VRK2: variants seen among roughly 807,000 people sequenced by gnomAD.
VRK2 encodes the protein serine/threonine-protein kinase VRK2.
Under a neutral mutation model 57.6 loss-of-function variants are expected in VRK2, and 60 were observed. The ratio of observed to expected loss-of-function variants is 1.04; its 90% CI spans 0.85 to 1.29. The LOEUF (loss-of-function observed/expected upper bound fraction) is 1.29, where lower values mean the gene tolerates loss of function less well. VRK2 is among the 50% of genes most tolerant of loss of function. The probability of loss-of-function intolerance (pLI) is 0.00; values close to 1 mark genes in which losing one functional copy is unlikely to be tolerated. For synonymous variants in VRK2, 231 were observed against 199.2 expected, an observed-to-expected ratio of 1.16 and a Z score of -1.35; for missense variants, 705 against 588.1, an observed-to-expected ratio of 1.20 and a Z score of -2.06.
At chr2:57,962,707 A>G (rs561030210) in intron 1 of VRK2, among the ~76,000 whole-genome samples, 2 of 152,274 alleles carry the variant, frequency 1.3e-5, no homozygotes, top group East Asian at 3.9e-4. Context: ...ATCTTATTCA[A>G]GTTTATGAAT....
intron 4 of VRK2, 103 bp from the exon 5 acceptor site, chr2:58,086,236 T>G: frequency 1.0e-6 from 1 of 959,624 alleles, no homozygotes. Context: ...TCTAGGAAGA[T>G]CTAATTACTT....
chr2:57,920,063 G>C (rs367853818), intron 1 of VRK2, among the ~76,000 whole-genome samples: 1 of 151,980 alleles, frequency 6.6e-6, no homozygotes, highest in African/African-American at 2.4e-5. Flanking sequence ...TTTTGGTGTT[G>C]AGAATCTATC....
intron 3 of VRK2, among the ~76,000 whole-genome samples, chr2:58,039,456 T>C (rs898099663): frequency 6.6e-6 from 1 of 152,154 alleles, no homozygotes; most frequent in Non-Finnish European, 1.5e-5. Flanking sequence ...TTCTTGTCTT[T>C]TCTGTTTCTC....
At chr2:57,934,278 T>C (rs1005106244) in intron 1 of VRK2, among the ~76,000 whole-genome samples, 1 of 152,248 alleles carries the variant, frequency 6.6e-6, no homozygotes, top group African/African-American at 2.4e-5. Context: ...TTGAATCAGG[T>C]TGAAGAACTT....
At chr2:58,052,643 A>G (rs776275859) in intron 2 of VRK2, among the ~76,000 whole-genome samples, 4 of 151,538 alleles carry the variant, frequency 2.6e-5, no homozygotes, top group Non-Finnish European at 4.4e-5. Flanking sequence ...GATTAAGATG[A>G]TGACAAAGAA....
chr2:58,059,000 T>G (rs1676943518), intron 2 of VRK2, among the ~76,000 whole-genome samples: 1 of 152,080 alleles, frequency 6.6e-6, no homozygotes, highest in East Asian at 1.9e-4. Context: ...AATATGTAAC[T>G]GATAGTATTG....
intron 5 of VRK2, 50 bp from the exon 6 acceptor site, chr2:58,088,291 C>T (rs1671911450): frequency 7.6e-7 from 1 of 1,308,438 alleles, no homozygotes. Context: ...TAGACAGTTT[C>T]AAGCATTACT....
chr2:57,987,431 A>G (rs540749628), intron 1 of VRK2, among the ~76,000 whole-genome samples: 3 of 152,324 alleles, frequency 2.0e-5, no homozygotes, highest in African/African-American at 7.2e-5. Context: ...AATTAGGGAA[A>G]GGTAAATTAA....
At chr2:57,932,085 G>C (rs1670746525) in intron 1 of VRK2, among the ~76,000 whole-genome samples, 1 of 151,938 alleles carries the variant, frequency 6.6e-6, no homozygotes. Context: ...TACTCTATAA[G>C]ATTGCTATAG....
intron 2 of VRK2, among the ~76,000 whole-genome samples, chr2:58,055,873 T>A (rs1361103102): frequency 1.3e-5 from 2 of 152,116 alleles, no homozygotes; most frequent in African/African-American, 4.8e-5. Flanking sequence ...ATGCAGAAAA[T>A]CTTCTGAGTT....
chr2:58,137,192 A>AT (rs1553422428), intron 10 of VRK2, among the ~76,000 whole-genome samples: 2,931 of 54,002 alleles, frequency 0.054, 30 homozygotes, highest in African/African-American at 0.12. Flanking sequence ...CATATATGAT[A>AT]CATATATATC....
rs2104649726 is a variant in VRK2, at chr2:58,146,300, TACTC to T, written c.1024-15_1024-12del. On this transcript the variant is annotated splice_polypyrimidine_tract_variant and intron_variant, in intron 11 of 12. Coordinates refer to ENST00000340157, the MANE Select transcript of VRK2 (RefSeq NM_006296.7). ...AAAGTTTTCATTATATATTATTACT[TACTC>T]TATACCAACAGGTTGATTCACAAAA... The T allele has an allele frequency of 1.3e-6, 2 of 1,584,350 alleles. No individual in the cohort carries two copies. The highest frequency in any genetic ancestry group is 1.7e-6 in the Non-Finnish European group (2 of 1,168,258).
chr2:58,030,068 C>T (rs921260456), intron 2 of VRK2, among the ~76,000 whole-genome samples: 3 of 152,086 alleles, frequency 2.0e-5, no homozygotes, highest in African/African-American at 7.2e-5. Context: ...GGCATGATGC[C>T]TGTCCTTATC....
At position 57,951,040 on chromosome 2, in the gene VRK2, C is replaced by A. The variant is rs550239242; in HGVS notation, c.-439+43201C>A. Reference sequence around the variant, plus strand: ...CCAGGAGGCAAAGGTTGCAGTGAGCCGAGATTGCAGCACTGCACTCCAGCC... The same window carrying A: ...CCAGGAGGCAAAGGTTGCAGTGAGCAGAGATTGCAGCACTGCACTCCAGCC... On this transcript the variant is annotated intron_variant, in intron 1 of 15. Transcript: ENST00000417641. Among the ~76,000 whole-genome samples the A allele has an allele frequency of 5.9e-5, 9 of 151,910 alleles. No individual in the cohort carries two copies. The South Asian group carries it at 1.9e-3, about 32-fold the overall frequency.
chr2:57,937,863 G>A (rs1433574720), intron 1 of VRK2, among the ~76,000 whole-genome samples: 1 of 104,466 alleles, frequency 9.6e-6, no homozygotes, highest in Non-Finnish European at 1.8e-5. Context: ...GCGGAGTCTT[G>A]CCCTGTCTCC....
At chr2:58,116,112 A>C (rs1190822116) in intron 7 of VRK2, among the ~76,000 whole-genome samples, 2 of 152,204 alleles carry the variant, frequency 1.3e-5, no homozygotes, top group African/African-American at 4.8e-5. Context: ...ATGCTGTAGC[A>C]GGCGAGTGAT....
At chr2:57,921,886 A>G (rs2103908139) in intron 1 of VRK2, among the ~76,000 whole-genome samples, 1 of 152,158 alleles carries the variant, frequency 6.6e-6, no homozygotes, top group South Asian at 2.1e-4. Context: ...CTTCAAGTCT[A>G]TTTTACATTT....
intron 8 of VRK2, among the ~76,000 whole-genome samples, chr2:58,125,866 A>G (rs754879491): frequency 1.3e-5 from 2 of 152,032 alleles, no homozygotes; most frequent in African/African-American, 2.4e-5. Flanking sequence ...GACATCCTCA[A>G]ATGTCTGAAT....
At chr2:58,046,358 G>T (rs1437437430), upstream of VRK2, among the ~76,000 whole-genome samples, 2 of 152,180 alleles carry the variant, frequency 1.3e-5, no homozygotes, top group Non-Finnish European at 2.9e-5. Flanking sequence ...CTTAAACGCG[G>T]TGAGTTACAT....
Sources: gnomAD v4.1 joint callset for allele counts (sites outside exome capture counted in the v4.1 genomes callset) on GRCh38, gnomAD v4.1.1 for gene constraint, MANE v1.5 for transcripts, NCBI Gene and HGNC (gene_info 2026-07-23, HGNC 2026-07-21) for gene names.